Variants in ACVR1B observed in about 807,000 individuals in gnomAD.
ACVR1B encodes the protein activin A receptor type 1B.
ACVR1B carries 15 observed loss-of-function variants against 55.6 expected under a neutral mutation model. The ratio of observed to expected loss-of-function variants is 0.27; its 90% CI spans 0.18 to 0.42. The LOEUF is 0.42. ACVR1B is among the 10% of genes least tolerant of loss of function. The probability of loss-of-function intolerance (pLI) is 1.00; values close to 1 mark genes in which losing one functional copy is unlikely to be tolerated. For missense variants in ACVR1B, 359 were observed against 670.1 expected (o/e 0.54, Z 5.13); for synonymous variants, 247 against 254.6 (o/e 0.97, Z 0.28).
At chr12:51,993,294 G>T (rs1337468501) in intron 8 of ACVR1B, among the ~76,000 whole-genome samples, 3 of 152,218 alleles carry the variant, frequency 2.0e-5, no homozygotes, top group African/African-American at 2.4e-5. Flanking sequence ...GGGCATTTCT[G>T]CATTTCAGAA....
intron 6 of ACVR1B, among the ~76,000 whole-genome samples, chr12:51,985,711 G>A (rs1394714222): frequency 2.6e-5 from 4 of 152,178 alleles, no homozygotes; most frequent in African/African-American, 9.7e-5. Flanking sequence ...CTGTGAAGGA[G>A]GCAGGGAGCA....
chr12:51,991,202 G>A (rs934572751), intron 7 of ACVR1B, among the ~76,000 whole-genome samples: 6 of 152,150 alleles, frequency 3.9e-5, no homozygotes, highest in Admixed American at 1.3e-4. Flanking sequence ...GTAGGTGACT[G>A]AAATTTCCTT....
intron 1 of ACVR1B, among the ~76,000 whole-genome samples, chr12:51,962,084 A>G (rs1256039009): frequency 1.3e-5 from 2 of 152,246 alleles, no homozygotes; most frequent in Non-Finnish European, 2.9e-5. Context: ...CTTAAGGTTG[A>G]ACTTGTTTAA....
intron 1 of ACVR1B, among the ~76,000 whole-genome samples, chr12:51,972,514 A>G (rs187245261): frequency 3.7e-4 from 57 of 152,362 alleles, no homozygotes; most frequent in African/African-American, 1.3e-3. Context: ...TATGCCATCT[A>G]AGTTTGTGTA....
rs1482849317 is a variant in ACVR1B at position 51,991,843 on chromosome 12, G to A, written c.1262-20G>A. ...TTTCCTGCTGTTGATAACTCAGGTA[G>A]ATACTTTCTTTTCTCCCAGGAGTCC... is the stretch of plus-strand genomic sequence containing the variant. On this transcript the variant is annotated intron_variant, in intron 7 of 8. Coordinates refer to ENST00000257963, the MANE Select transcript of ACVR1B (RefSeq NM_004302.5). 1.2e-6 allele frequency: 2 copies of A among 1,610,682 alleles called. No individual in the cohort carries two copies. Among genetic ancestry groups the A allele is most frequent in the Admixed American group, 3.3e-5 (2 of 59,732 alleles).
At chr12:51,989,240 T>G (rs1942141662) in intron 7 of ACVR1B, among the ~76,000 whole-genome samples, 1 of 152,234 alleles carries the variant, frequency 6.6e-6, no homozygotes, top group African/African-American at 2.4e-5. Flanking sequence ...TGTTTTGTTT[T>G]GTTTTTCTTT....
intron 7 of ACVR1B, among the ~76,000 whole-genome samples, chr12:51,988,042 A>G (rs1367937352): frequency 6.6e-6 from 1 of 152,252 alleles, no homozygotes; most frequent in Non-Finnish European, 1.5e-5. Flanking sequence ...CTTCCAGCAG[A>G]ACTGTTTTGT....
At chr12:51,979,613 G>A (rs1941939951) in intron 3 of ACVR1B, among the ~76,000 whole-genome samples, 1 of 152,192 alleles carries the variant, frequency 6.6e-6, no homozygotes, top group African/African-American at 2.4e-5. Context: ...GAACTTTTAT[G>A]ATGAGGAGAC....
At chr12:51,962,392 C>T (rs975196418) in intron 1 of ACVR1B, among the ~76,000 whole-genome samples, 1 of 151,938 alleles carries the variant, frequency 6.6e-6, no homozygotes, top group Non-Finnish European at 1.5e-5. Context: ...CTGTATACCA[C>T]CATTGGCACC....
At chr12:51,979,657 G>A (rs1350513459) in intron 3 of ACVR1B, among the ~76,000 whole-genome samples, 1 of 152,158 alleles carries the variant, frequency 6.6e-6, no homozygotes, top group African/African-American at 2.4e-5. Context: ...GAAGCAGGGG[G>A]ACGTCAGGCT....
intron 1 of ACVR1B, among the ~76,000 whole-genome samples, chr12:51,968,632 T>A (rs1362887195): frequency 6.6e-6 from 1 of 152,228 alleles, no homozygotes; most frequent in Non-Finnish European, 1.5e-5. Context: ...TGTGATGCTT[T>A]CTGGTATCTA....
Position 51,976,343 on chromosome 12 carries a change from T to C in ACVR1B, c.348T>C (p.Pro116=), listed in dbSNP as rs747568292. 28 of 1,614,196 alleles carry C rather than the reference T, an allele frequency of 1.7e-5. No homozygotes were observed. The South Asian group carries it at 3.0e-4, about 17-fold the overall frequency. Residue 116 remains proline (P), a synonymous_variant, in exon 3 of 9, where the codon CCT becomes CCC. Transcript: ENST00000257963. ...TTGACTCAGGTCACCTCAAGGAGCC[T>C]GAGCACCCGTCCATGTGGGGCCCGG... ...LRVPSGHLKE[P]EHPSMWGPVE...
chr12:51,989,196 A>T (rs1942139753), intron 7 of ACVR1B, among the ~76,000 whole-genome samples: 1 of 152,216 alleles, frequency 6.6e-6, no homozygotes, highest in Non-Finnish European at 1.5e-5. Flanking sequence ...AAGAAAAAAA[A>T]TTGTCTCATT....
At chr12:51,967,218 C>T (rs570989943) in intron 1 of ACVR1B, among the ~76,000 whole-genome samples, 138 of 147,056 alleles carry the variant, frequency 9.4e-4, no homozygotes, top group Admixed American at 2.4e-3. Context: ...CCAGCCTGGG[C>T]GACAGCGCGA....
At chr12:51,972,064 GA>G (rs1227620600) in intron 1 of ACVR1B, among the ~76,000 whole-genome samples, 3 of 152,146 alleles carry the variant, frequency 2.0e-5, no homozygotes, top group Admixed American at 6.5e-5. Flanking sequence ...GTTTTACATT[GA>G]GGGGGGGATT....
At position 51,976,966 on chromosome 12, in the gene ACVR1B, T is replaced by G. The variant is rs143641941; in HGVS notation, c.580+391T>G. On this transcript the variant is annotated intron_variant, in intron 3 of 8. Transcript: ENST00000257963. ...AGGTGGTGACAGCTAATCATTGATCTCTGAGCAACCACAAGGGGAGTTTAA... is the reference window on the plus strand; with the variant it reads ...AGGTGGTGACAGCTAATCATTGATCGCTGAGCAACCACAAGGGGAGTTTAA... Among the ~76,000 whole-genome samples the G allele has an allele frequency of 8.5e-3, 1,302 of 152,320 alleles. 16 individuals are homozygous for G. The highest frequency in any genetic ancestry group is 0.03 in the African/African-American group (1,250 of 41,570).
rs534120362 is a variant in ACVR1B at position 51,989,714 on chromosome 12, G to A, written c.1262-2149G>A. Among the ~76,000 whole-genome samples, 15 of 152,232 alleles carry A rather than the reference G, an allele frequency of 9.9e-5. No individual in the cohort carries two copies. In the East Asian group the frequency reaches 2.7e-3, roughly 27 times the overall value. The stretch of plus-strand genomic sequence containing the variant: ...AAAAAATGAACATTAGGCCGGGCGC[G>A]GTGGCTCATGCCTGTAATCTCAGCA... On this transcript the variant is annotated intron_variant, in intron 7 of 8. Transcript: ENST00000257963.
rs115149888 is a variant in ACVR1B at position 51,991,825 on chromosome 12, C to T, written c.1262-38C>T. 2.3e-3 allele frequency: 3,598 copies of T among 1,597,044 alleles called. 58 individuals are homozygous for T. In the African/African-American group the frequency reaches 0.043, roughly 19 times the overall value. On this transcript the variant is annotated intron_variant, in intron 7 of 8. Coordinates refer to ENST00000257963, the MANE Select transcript of ACVR1B (RefSeq NM_004302.5). ...CCGGCTTCTGAGTAATCTTTTCCTG[C>T]TGTTGATAACTCAGGTAGATACTTT... is the stretch of plus-strand genomic sequence containing the variant.
chr12:51,992,246 T>G, intron 8 of ACVR1B: 1 of 529,492 alleles, frequency 1.9e-6, no homozygotes, highest in Non-Finnish European at 3.3e-6. Flanking sequence ...GGCATAGGCC[T>G]GTAATCGTAG....
Sources: allele counts gnomAD v4.1 joint callset (sites outside exome capture counted in the v4.1 genomes callset), GRCh38; gene constraint gnomAD v4.1.1; transcripts MANE v1.5; gene names NCBI Gene and HGNC (gene_info 2026-07-23, HGNC 2026-07-21).